FRAS1: variants seen among roughly 807,000 people sequenced by gnomAD.
FRAS1 encodes Fraser extracellular matrix complex subunit 1, also known as extracellular matrix organizing protein FRAS1.
In FRAS1, 290 loss-of-function variants were observed where a neutral mutation model predicts 435.2. The observed-to-expected ratio is 0.67, with a 90% CI of 0.61 to 0.73. FRAS1 has a LOEUF of 0.73. Ranked by LOEUF, FRAS1 falls within the 30% of genes least tolerant of loss-of-function variation. The pLI is 0.00. For missense variants in FRAS1, 4,860 were observed against 5,001.5 expected (o/e 0.97, Z 0.85); for synonymous variants, 1,800 against 1,851.0 (o/e 0.97, Z 0.71).
At chr4:78,135,755 T>C (rs1460070172) in intron 2 of FRAS1, among the ~76,000 whole-genome samples, 1 of 152,208 alleles carries the variant, frequency 6.6e-6, no homozygotes, top group East Asian at 1.9e-4. Context: ...GATTGTACAC[T>C]GTACAACTCT....
intron 33 of FRAS1, among the ~76,000 whole-genome samples, chr4:78,420,083 C>T (rs1391787400): frequency 6.6e-6 from 1 of 152,168 alleles, no homozygotes; most frequent in East Asian, 1.9e-4. Flanking sequence ...AGAGGTGCAG[C>T]TGCTCCTCAC....
At chr4:78,192,693 A>G (rs185368412) in intron 2 of FRAS1, among the ~76,000 whole-genome samples, 12 of 152,194 alleles carry the variant, frequency 7.9e-5, no homozygotes, top group African/African-American at 2.6e-4. Flanking sequence ...CTAGTGGTCT[A>G]TCAGTTTTGT....
At chr4:78,098,277 T>C (rs1741921178) in intron 2 of FRAS1, among the ~76,000 whole-genome samples, 1 of 83,644 alleles carries the variant, frequency 1.2e-5, no homozygotes, top group Non-Finnish European at 2.4e-5. Flanking sequence ...AGATCTTTTC[T>C]TTTTTTTTTT....
At chr4:78,072,280 T>G (rs1011666566) in intron 2 of FRAS1, among the ~76,000 whole-genome samples, 1 of 152,168 alleles carries the variant, frequency 6.6e-6, no homozygotes, top group Non-Finnish European at 1.5e-5. Context: ...CTCTTCAATG[T>G]TAGAGTCTTT....
intron 29 of FRAS1, among the ~76,000 whole-genome samples, chr4:78,393,542 C>T (rs1374999215): frequency 6.6e-6 from 1 of 152,072 alleles, no homozygotes; most frequent in East Asian, 1.9e-4. Flanking sequence ...TACTGTCTTT[C>T]TGTGTCTGGC....
At position 78,455,996 on chromosome 4, in the gene FRAS1, T is replaced by C. The variant is rs1719181707; in HGVS notation, c.6763+3642T>C. ...TCAGGGGTGTGAGGTGGCTCAGTGA[T>C]CCTCAGTGTGAGGCTTCTACCTCTG... On this transcript the variant is annotated intron_variant, in intron 47 of 73. Coordinates refer to ENST00000512123, the MANE Select transcript of FRAS1 (RefSeq NM_025074.7). 1.3e-5 allele frequency among the ~76,000 whole-genome samples: 2 copies of C among 152,070 alleles called. 1 individual carries two copies. Among genetic ancestry groups the C allele is most frequent in the South Asian group, 4.1e-4 (2 of 4,826 alleles).
intron 2 of FRAS1, among the ~76,000 whole-genome samples, chr4:78,100,081 CA>C (rs960116750): frequency 3.9e-5 from 6 of 152,064 alleles, no homozygotes; most frequent in Non-Finnish European, 8.8e-5. Flanking sequence ...TCCTAATTTC[CA>C]GGTTGTAGTA....
intron 20 of FRAS1, 53 bp downstream of exon 20, chr4:78,337,870 T>C: frequency 1.3e-6 from 2 of 1,597,550 alleles, no homozygotes; most frequent in Non-Finnish European, 1.7e-6. Context: ...CTGCCGGGGC[T>C]CTTCATACCA....
rs549100693 is a variant in FRAS1, at chr4:78,422,659, C to T, written c.4678+659C>T. ...TCTGGTGGGAGAGACAGAGGCCATACCTGACAGACCCTCGAAGCCTGTAAG... is the reference window on the plus strand; with the variant it reads ...TCTGGTGGGAGAGACAGAGGCCATATCTGACAGACCCTCGAAGCCTGTAAG... On this transcript the variant is annotated intron_variant, in intron 34 of 73. Coordinates refer to ENST00000512123, the MANE Select transcript of FRAS1 (RefSeq NM_025074.7). Among the ~76,000 whole-genome samples the T allele has an allele frequency of 1.8e-4, 27 of 152,284 alleles. No homozygotes were observed. In the South Asian group the frequency reaches 5.4e-3, roughly 30 times the overall value.
chr4:78,280,769 T>C (rs932424276), intron 10 of FRAS1, among the ~76,000 whole-genome samples: 1 of 152,166 alleles, frequency 6.6e-6, no homozygotes, highest in African/African-American at 2.4e-5. Flanking sequence ...ACAATAGGAC[T>C]TACCGCATGA....
At position 78,479,663 on chromosome 4, in the gene FRAS1, C is replaced by T. The variant is rs376748689; in HGVS notation, c.8388C>T (p.Asn2796=). 4.9e-5 allele frequency: 79 copies of T among 1,611,788 alleles called. No homozygotes were observed. The highest frequency in any genetic ancestry group is 5.7e-5 in the Non-Finnish European group (67 of 1,178,602). Residue 2796 remains asparagine, a synonymous_variant, in exon 56 of 74, where the codon AAC becomes AAT. Transcript: ENST00000512123. ...CCAAGGTGCTCATTAGTGGTCCCAACGATGCCTCGACTGTGTCCCTGGGCA... is the reference window on the plus strand; with the variant it reads ...CCAAGGTGCTCATTAGTGGTCCCAATGATGCCTCGACTGTGTCCCTGGGCA... ...ATAKVLISGP[N]DASTVSLGNT...
At chr4:78,233,331 A>C (rs181329608) in intron 2 of FRAS1, among the ~76,000 whole-genome samples, 3 of 152,330 alleles carry the variant, frequency 2.0e-5, no homozygotes, top group Non-Finnish European at 4.4e-5. Flanking sequence ...GAATTTCCCA[A>C]GTTGTCTTGA....
intron 2 of FRAS1, among the ~76,000 whole-genome samples, chr4:78,223,527 A>T (rs1724140458): frequency 6.6e-6 from 1 of 152,160 alleles, no homozygotes; most frequent in African/African-American, 2.4e-5. Flanking sequence ...TTCTACTTTA[A>T]TTCATTAATC....
intron 73 of FRAS1, among the ~76,000 whole-genome samples, chr4:78,540,187 G>C (rs954918466): frequency 1.3e-5 from 2 of 152,320 alleles, no homozygotes; most frequent in South Asian, 4.1e-4. Context: ...GTAAATAAAT[G>C]TGGTTTTTAA....
intron 20 of FRAS1, among the ~76,000 whole-genome samples, chr4:78,358,482 A>G (rs1295529741): frequency 1.3e-5 from 2 of 152,200 alleles, no homozygotes; most frequent in African/African-American, 4.8e-5. Context: ...CTTAGTCTAT[A>G]TATGATATGT....
intron 50 of FRAS1, among the ~76,000 whole-genome samples, chr4:78,469,588 C>G (rs538521104): frequency 9.9e-4 from 151 of 151,804 alleles, no homozygotes; most frequent in African/African-American, 3.3e-3. Context: ...TTGTCAGCCT[C>G]TCATGAAAAT....
At chr4:78,064,317 A>G (rs985960572) in intron 1 of FRAS1, among the ~76,000 whole-genome samples, 1 of 151,138 alleles carries the variant, frequency 6.6e-6, no homozygotes, top group African/African-American at 2.4e-5. Flanking sequence ...TCCTTTTTTC[A>G]TATGTACAGA....
At chr4:78,200,929 T>A (rs1723028879) in intron 2 of FRAS1, among the ~76,000 whole-genome samples, 1 of 138,156 alleles carries the variant, frequency 7.2e-6, no homozygotes, top group African/African-American at 3.2e-5. Flanking sequence ...GTTAAATATA[T>A]ATATTTATCT....
intron 38 of FRAS1, among the ~76,000 whole-genome samples, chr4:78,436,774 C>G (rs1316799429): frequency 1.3e-4 from 19 of 151,594 alleles, no homozygotes; most frequent in Admixed American, 1.2e-3. Context: ...AATATGTATT[C>G]TGTAGTAATA....
Sources: gnomAD v4.1 joint callset for allele counts (sites outside exome capture counted in the v4.1 genomes callset) on GRCh38, gnomAD v4.1.1 for gene constraint, MANE v1.5 for transcripts, NCBI Gene and HGNC (gene_info 2026-07-23, HGNC 2026-07-21) for gene names.